Variants in ST8SIA4 observed in about 807,000 individuals in gnomAD.
ST8SIA4 encodes the protein ST8 alpha-N-acetyl-neuraminide alpha-2,8-sialyltransferase 4.
In ST8SIA4, 15 loss-of-function variants were observed where a neutral mutation model predicts 33.9. That is an observed-to-expected ratio of 0.44 (90% confidence interval 0.30 to 0.68). The LOEUF (loss-of-function observed/expected upper bound fraction) is 0.68, where lower values mean the gene tolerates loss of function less well. Ranked by LOEUF, ST8SIA4 falls within the 30% of genes least tolerant of loss-of-function variation. The pLI, the probability that ST8SIA4 is intolerant of heterozygous loss-of-function variation, is 0.10. For synonymous variants in ST8SIA4, 171 were observed against 151.2 expected (o/e 1.13, Z -0.96); for missense variants, 321 against 428.0 (o/e 0.75, Z 2.21).
chr5:100,823,180 C>G (rs1417161991), intron 4 of ST8SIA4, among the ~76,000 whole-genome samples: 1 of 151,864 alleles, frequency 6.6e-6, no homozygotes, highest in African/African-American at 2.4e-5. Context: ...CCACCAAAAC[C>G]AAGACGGTGA....
chr5:100,850,824 A>G (rs1751679427), intron 4 of ST8SIA4, among the ~76,000 whole-genome samples: 1 of 151,942 alleles, frequency 6.6e-6, no homozygotes, highest in African/African-American at 2.4e-5. Context: ...ATATATGTAT[A>G]AACAGACAAA....
At chr5:100,816,287 T>C (rs1159294405) in intron 4 of ST8SIA4, among the ~76,000 whole-genome samples, 6 of 152,210 alleles carry the variant, frequency 3.9e-5, no homozygotes, top group Non-Finnish European at 7.4e-5. Context: ...TTTTAGATTT[T>C]ATCTCATAAT....
In ST8SIA4 at chr5:100,885,638, T is replaced by A. The variant is rs1752520234; in HGVS notation, c.503+705A>T. 6.4e-6 allele frequency: 6 copies of A among 939,100 alleles called. No individual in the cohort carries two copies. In the South Asian group the frequency reaches 2.9e-4, roughly 46 times the overall value. The allele number at this position is 939,100 out of a possible 1,614,324, so 58.2% of individuals were successfully genotyped here. On this transcript the variant is annotated intron_variant, in intron 3 of 4. Transcript: ENST00000231461. ...AAACAATCCAAAAAAACTGTACAGA[T>A]ATAAAAATTGATCATTAAAAACTGC...
rs1218716559 is a variant in ST8SIA4, at chr5:100,827,849, A to G, written c.798-15720T>C. Among the ~76,000 whole-genome samples the G allele has an allele frequency of 2.6e-5, 4 of 152,198 alleles. No individual in the cohort carries two copies. The South Asian group carries it at 8.3e-4, about 31-fold the overall frequency. The stretch of plus-strand genomic sequence containing the variant: ...TCACAGCAACAATCTACGGCTCTAC[A>G]AGAACAGGGCAAAGTGCATTTTAAG... On this transcript the variant is annotated intron_variant, in intron 4 of 4. Transcript: ENST00000231461.
chr5:100,844,550 G>T (rs1751528863), intron 4 of ST8SIA4, among the ~76,000 whole-genome samples: 1 of 151,924 alleles, frequency 6.6e-6, no homozygotes, highest in Admixed American at 6.6e-5. Context: ...GTCTTCACCA[G>T]GGCTCTATTT....
chr5:100,894,909 C>G (rs1752748115), intron 2 of ST8SIA4, among the ~76,000 whole-genome samples: 1 of 151,956 alleles, frequency 6.6e-6, no homozygotes, highest in African/African-American at 2.4e-5. Context: ...TTAGTGAGTT[C>G]TTGTTTACTG....
intron 4 of ST8SIA4, among the ~76,000 whole-genome samples, chr5:100,832,010 A>T (rs1751273681): frequency 6.6e-6 from 1 of 152,066 alleles, no homozygotes; most frequent in Admixed American, 6.6e-5. Flanking sequence ...ATTTAGAAGG[A>T]AGGAACTTAC....
At chr5:100,816,939 C>A (rs968213025) in intron 4 of ST8SIA4, among the ~76,000 whole-genome samples, 2 of 140,626 alleles carry the variant, frequency 1.4e-5, no homozygotes, top group African/African-American at 5.2e-5. Flanking sequence ...GGCTTTTTTT[C>A]TTTTTTTTTT....
intron 4 of ST8SIA4, among the ~76,000 whole-genome samples, chr5:100,812,674 C>T (rs1444041593): frequency 6.6e-6 from 1 of 152,104 alleles, no homozygotes; most frequent in Admixed American, 6.5e-5. Context: ...AGCCTCACTT[C>T]CACTCACATA....
chr5:100,875,486 A>G (rs1034031617), intron 3 of ST8SIA4, among the ~76,000 whole-genome samples: 7 of 152,144 alleles, frequency 4.6e-5, no homozygotes, highest in African/African-American at 1.7e-4. Context: ...TCTCTTTCAA[A>G]CATTCTATTA....
chr5:100,835,503 T>C (rs1246932030), intron 4 of ST8SIA4, among the ~76,000 whole-genome samples: 3 of 152,190 alleles, frequency 2.0e-5, no homozygotes, highest in African/African-American at 7.2e-5. Context: ...GAAAGTTAAC[T>C]TCTTACAGTA....
chr5:100,889,048 G>T (rs1181029782), intron 2 of ST8SIA4, among the ~76,000 whole-genome samples: 1 of 151,768 alleles, frequency 6.6e-6, no homozygotes, highest in Non-Finnish European at 1.5e-5. Context: ...CAAAGTCCAG[G>T]TTATATAAGA....
At chr5:100,889,052 T>C (rs1752602215) in intron 2 of ST8SIA4, among the ~76,000 whole-genome samples, 1 of 151,892 alleles carries the variant, frequency 6.6e-6, no homozygotes, top group Non-Finnish European at 1.5e-5. Context: ...GTCCAGGTTA[T>C]ATAAGAAGAT....
chr5:100,832,078 A>G (rs1169604418), intron 4 of ST8SIA4, among the ~76,000 whole-genome samples: 1 of 152,202 alleles, frequency 6.6e-6, no homozygotes, highest in East Asian at 1.9e-4. Flanking sequence ...CTTTCTCTAC[A>G]TAGATACTAA....
intron 3 of ST8SIA4, among the ~76,000 whole-genome samples, chr5:100,869,501 T>C (rs1752150904): frequency 6.6e-6 from 1 of 152,194 alleles, no homozygotes; most frequent in African/African-American, 2.4e-5. Flanking sequence ...CATCACTTTT[T>C]TCCTCCTCTA....
chr5:100,829,157 C>T (rs1464526034), intron 4 of ST8SIA4, among the ~76,000 whole-genome samples: 3 of 152,298 alleles, frequency 2.0e-5, no homozygotes, highest in Middle Eastern at 3.4e-3. Flanking sequence ...GCTCTGCTCT[C>T]TTGGGCTAAT....
At chr5:100,817,702 C>T (rs1345624013) in intron 4 of ST8SIA4, among the ~76,000 whole-genome samples, 2 of 152,138 alleles carry the variant, frequency 1.3e-5, no homozygotes, top group Non-Finnish European at 1.5e-5. Flanking sequence ...TCAGATAAAG[C>T]AGGGATGATA....
chr5:100,849,670 A>G (rs1214622580), intron 4 of ST8SIA4, among the ~76,000 whole-genome samples: 1 of 151,844 alleles, frequency 6.6e-6, no homozygotes, highest in Non-Finnish European at 1.5e-5. Context: ...TCATTCCTGT[A>G]GTCGCAGCTA....
chr5:100,901,017 G>C (rs556571124), intron 1 of ST8SIA4, among the ~76,000 whole-genome samples: 5 of 152,204 alleles, frequency 3.3e-5, no homozygotes, highest in Non-Finnish European at 7.3e-5. Context: ...AGCCCGACTA[G>C]CTCAACCGCC....
Sources: allele counts gnomAD v4.1 joint callset (sites outside exome capture counted in the v4.1 genomes callset), GRCh38; gene constraint gnomAD v4.1.1; transcripts MANE v1.5; gene names NCBI Gene and HGNC (gene_info 2026-07-23, HGNC 2026-07-21).